KMT2E: variants seen among roughly 807,000 people sequenced by gnomAD.
KMT2E encodes the protein lysine methyltransferase 2E (inactive).
Under a neutral mutation model 184.6 loss-of-function variants are expected in KMT2E, and 30 were observed. That is an observed-to-expected ratio of 0.16 (90% CI 0.12 to 0.22). The LOEUF is 0.22. Among genes scored for constraint, KMT2E ranks in the 10% least tolerant of loss-of-function variants. The pLI is 1.00. For synonymous variants in KMT2E, 815 were observed against 776.5 expected, an observed-to-expected ratio of 1.05 and a Z score of -0.82; for missense variants, 2,023 against 2,237.4, an observed-to-expected ratio of 0.90 and a Z score of 1.93.
intron 3 of KMT2E, among the ~76,000 whole-genome samples, chr7:105,051,106 CT>C (rs1562892346): frequency 4.2e-5 from 6 of 141,286 alleles, no homozygotes; most frequent in African/African-American, 1.5e-4. Flanking sequence ...CTCTCTCTCT[CT>C]CTTTCTTCCT....
chr7:105,067,001 G>A (rs1349947152), intron 6 of KMT2E, among the ~76,000 whole-genome samples, 194 bp downstream of exon 6: 1 of 145,938 alleles, frequency 6.9e-6, no homozygotes, highest in African/African-American at 2.5e-5. Context: ...AGGCTGCAGT[G>A]AGCTTTGATT....
At chr7:105,087,284 G>GATAT (rs369698591) in intron 13 of KMT2E, among the ~76,000 whole-genome samples, 40 of 143,866 alleles carry the variant, frequency 2.8e-4, no homozygotes, top group East Asian at 8.0e-4. Context: ...ATATAAATAT[G>GATAT]ATATAATATA....
chr7:105,045,330 A>G (rs1480686738), intron 3 of KMT2E, among the ~76,000 whole-genome samples: 2 of 152,220 alleles, frequency 1.3e-5, no homozygotes, highest in African/African-American at 4.8e-5. Context: ...TATCGTGTTA[A>G]CCATTTTTAA....
Position 105,113,448 on chromosome 7 carries a change from A to C in KMT2E, c.*115A>C. The C allele has an allele frequency of 1.8e-6, 2 of 1,137,768 alleles. No individual in the cohort carries two copies. Among genetic ancestry groups the C allele is most frequent in the Non-Finnish European group, 2.4e-6 (2 of 836,414 alleles). The allele number at this position is 1,137,768 out of a possible 1,614,324, so 70.5% of individuals were successfully genotyped here. ...CATGAACCTTTGTATAAAAAACACCAGTGCTCTTTCGTTGTATTTTTCTCA... is the reference window on the plus strand; with the variant it reads ...CATGAACCTTTGTATAAAAAACACCCGTGCTCTTTCGTTGTATTTTTCTCA... On this transcript the variant is annotated 3_prime_UTR_variant, in exon 27 of 27. Transcript: ENST00000311117.
At chr7:105,099,271 A>G (rs1283760983) in intron 15 of KMT2E, among the ~76,000 whole-genome samples, 2 of 152,214 alleles carry the variant, frequency 1.3e-5, no homozygotes, top group Admixed American at 6.5e-5. Context: ...ATGTAGCGGC[A>G]GTAATTGGAA....
Position 105,110,232 on chromosome 7 carries a change from T to C in KMT2E, c.3756-48T>C, listed in dbSNP as rs370437519. The C allele has an allele frequency of 3.8e-5, 54 of 1,411,770 alleles. No individual in the cohort carries two copies. In the African/African-American group the frequency reaches 6.8e-4, roughly 18 times the overall value. The allele number at this position is 1,411,770 out of a possible 1,614,324, so 87.5% of individuals were successfully genotyped here. ...GTTGACTATGAAGCAACAATGTAACTAGCAGTAGTTTCTTTCAATAGAGGA... is the reference window on the plus strand; with the variant it reads ...GTTGACTATGAAGCAACAATGTAACCAGCAGTAGTTTCTTTCAATAGAGGA... On this transcript the variant is annotated intron_variant, in intron 23 of 26. Transcript: ENST00000311117.
intron 22 of KMT2E, chr7:105,108,724 T>G: frequency 3.8e-6 from 2 of 528,104 alleles, no homozygotes; most frequent in Non-Finnish European, 6.8e-6. Context: ...TTCATAGGGT[T>G]GTTGTGAGGA....
At chr7:105,022,902 T>A (rs1795012343) in intron 1 of KMT2E, among the ~76,000 whole-genome samples, 1 of 152,120 alleles carries the variant, frequency 6.6e-6, no homozygotes, top group Admixed American at 6.5e-5. Context: ...GCTTTTTAAA[T>A]CACAACAAAT....
At chr7:105,083,744 GTC>G (rs2129568499) in intron 13 of KMT2E, among the ~76,000 whole-genome samples, 1 of 152,136 alleles carries the variant, frequency 6.6e-6, no homozygotes, top group South Asian at 2.1e-4. Flanking sequence ...GGACATTTGT[GTC>G]TGCATTAAAA....
chr7:105,064,049 C>T, intron 5 of KMT2E: 1 of 452,480 alleles, frequency 2.2e-6, no homozygotes, highest in South Asian at 1.6e-5. Context: ...CTCCTTGAAC[C>T]AGAACCACAG....
rs568980685 is a variant in KMT2E, at chr7:105,076,099, A to C, written c.768+18A>C. On this transcript the variant is annotated intron_variant, in intron 9 of 26. Transcript: ENST00000311117. ...GAGTTAAGGTAAATACATTAATTTT[A>C]AGGTGTTGTTATCAACTGTCATTTA... The C allele has an allele frequency of 1.3e-6, 2 of 1,556,398 alleles. No individual in the cohort carries two copies. The highest frequency in any genetic ancestry group is 2.7e-5 in the African/African-American group (2 of 73,746).
At chr7:105,060,165 T>A (rs536404537) in intron 3 of KMT2E, among the ~76,000 whole-genome samples, 16 of 151,756 alleles carry the variant, frequency 1.1e-4, no homozygotes, top group East Asian at 9.7e-4. Flanking sequence ...TGCCTACTTA[T>A]TGTATTTTTA....
At position 105,108,004 on chromosome 7, in the gene KMT2E, T is replaced by C. The variant is rs146538276; in HGVS notation, c.3468+79T>C. 5.1e-4 allele frequency: 502 copies of C among 982,888 alleles called. 2 individuals are homozygous for C. The African/African-American group carries it at 7.6e-3, about 15-fold the overall frequency. 60.9% of individuals were successfully genotyped at this position (982,888 alleles called of 1,614,324 possible). On this transcript the variant is annotated intron_variant, in intron 22 of 26. Coordinates refer to ENST00000311117, the MANE Select transcript of KMT2E (RefSeq NM_182931.3). ...AATACTACTGAGGGGAATTGTTAGA[T>C]GTATTATGTAAGGCATTCTTAATTT...
rs767520642 is a variant in KMT2E, at chr7:105,066,695, T to G, written c.417-32T>G. ...CTTAATTTAAGGATGACTTAAATAATATTACATATGTTCTGCTTTTTTTTT... is the reference window on the plus strand; with the variant it reads ...CTTAATTTAAGGATGACTTAAATAAGATTACATATGTTCTGCTTTTTTTTT... On this transcript the variant is annotated intron_variant, in intron 5 of 26. Transcript: ENST00000311117. 3.3e-6 allele frequency: 5 copies of G among 1,510,656 alleles called. No homozygotes were observed. In the East Asian group the frequency reaches 1.1e-4, roughly 34 times the overall value. 93.6% of individuals were successfully genotyped at this position (1,510,656 alleles called of 1,614,324 possible). A position where few individuals can be genotyped will look rare whatever the true frequency, so the allele number is the denominator to read the frequency against.
chr7:105,076,575 C>A (rs1797534278), intron 9 of KMT2E, among the ~76,000 whole-genome samples: 1 of 152,194 alleles, frequency 6.6e-6, no homozygotes, highest in Non-Finnish European at 1.5e-5. Context: ...TATGTCCTCA[C>A]TTTTTTAGAT....
At chr7:105,087,328 CAT>C (rs1446294979) in intron 13 of KMT2E, among the ~76,000 whole-genome samples, 2 of 145,770 alleles carry the variant, frequency 1.4e-5, no homozygotes, top group Non-Finnish European at 3.0e-5. Flanking sequence ...GCATATATTA[CAT>C]ATATGCTAGC....
At chr7:105,087,302 TATAA>T (rs912706139) in intron 13 of KMT2E, among the ~76,000 whole-genome samples, 2 of 147,578 alleles carry the variant, frequency 1.4e-5, no homozygotes, top group African/African-American at 2.5e-5. Context: ...ATATATAATA[TATAA>T]ATATAAATAT....
chr7:105,113,136 C>T lies in KMT2E; in HGVS notation c.5380C>T (p.His1794Tyr). ...PHCPLPVTGP[H>Y]LQPQGPNSIP... ...TTGTCCATTACCTGTCACAGGTCCT[C>T]ATCTCCAGCCCCAAGGACCAAACAG... The change falls in exon 27 of 27, where the codon CAT becomes TAT. Residue 1794 changes from histidine (H) to tyrosine (Y), a missense_variant. Physicochemically the swap from His to Tyr is moderately conservative, Grantham distance 83. Transcript: ENST00000311117. 6 of 1,614,210 alleles carry T rather than the reference C, an allele frequency of 3.7e-6. No homozygotes were observed. The highest frequency in any genetic ancestry group is 5.1e-6 in the Non-Finnish European group (6 of 1,180,038).
chr7:105,064,953 G>C (rs897118717), intron 5 of KMT2E, among the ~76,000 whole-genome samples: 21 of 151,936 alleles, frequency 1.4e-4, no homozygotes, highest in African/African-American at 4.8e-4. Context: ...ATATAACGGC[G>C]ATGGTCTATA....
Sources: allele counts gnomAD v4.1 joint callset (sites outside exome capture counted in the v4.1 genomes callset), GRCh38; gene constraint gnomAD v4.1.1; transcripts MANE v1.5; gene names NCBI Gene and HGNC (gene_info 2026-07-23, HGNC 2026-07-21).